Variants in TRPM1 observed in about 807,000 individuals in gnomAD.
TRPM1 encodes transient receptor potential cation channel subfamily M member 1, also known as TRPM1-203 APA Isoform, Intron 10.
A neutral mutation model predicts 149.4 loss-of-function variants in TRPM1; 113 were observed. That is an observed-to-expected ratio of 0.76 (90% CI 0.65 to 0.88). TRPM1 has a LOEUF of 0.88. TRPM1 is among the 40% of genes least tolerant of loss of function. The pLI is 0.00. For synonymous variants in TRPM1, 741 were observed against 759.5 expected (o/e 0.98, Z 0.40); for missense variants, 1,976 against 2,038.7 (o/e 0.97, Z 0.59).
chr15:31,028,572 A>G lies in TRPM1; in HGVS notation c.3149-96T>C, dbSNP rs558388368. ...TTTTTCAATACCTATTTCTTTTTTA[A>G]TATGATTCTTTCTTATTTCATAAGC... On this transcript the variant is annotated intron_variant, in intron 24 of 27. Transcript: ENST00000256552. 1.7e-3 allele frequency: 2,326 copies of G among 1,388,148 alleles called. 54 individuals are homozygous for G. In the South Asian group the frequency reaches 0.027, roughly 16 times the overall value. 86.0% of individuals were successfully genotyped at this position (1,388,148 alleles called of 1,614,324 possible).
At position 31,063,226 on chromosome 15, in the gene TRPM1, A is replaced by G; in HGVS notation, c.857T>C (p.Val286Ala). 6.2e-7 allele frequency: 1 copy of G among 1,614,166 alleles called. No homozygotes were observed. ...AGGCTCTTCTTGCAGGTATTCCAAG[A>G]CGATGGACACCACGTTAGGGCCCCC... is the stretch of plus-strand genomic sequence containing the variant. Reference protein sequence around the residue: ...VEGGPNVVSIVLEYLQEEPPI... With the variant: ...VEGGPNVVSIALEYLQEEPPI... The change falls in exon 8 of 28, where the codon GTC (valine) becomes GCC (alanine). Residue 286 changes from valine (V) to alanine (A), a missense_variant. Physicochemically the swap from Val to Ala is moderately conservative, Grantham distance 64. Coordinates refer to ENST00000256552, the MANE Select transcript of TRPM1 (RefSeq NM_001252024.2).
intron 1 of TRPM1, among the ~76,000 whole-genome samples, chr15:31,143,481 G>A (rs2036184895): frequency 6.6e-6 from 1 of 152,106 alleles, no homozygotes. Flanking sequence ...GAGTGCAGTG[G>A]TGCTATCTTG....
Position 31,101,654 on chromosome 15 carries a change from T to C in TRPM1, c.-84+3A>G. On this transcript the variant is annotated splice_donor_region_variant and intron_variant, in intron 1 of 27. Transcript: ENST00000256552. ...ACCTGTGCTTACCCGCATCTGAGCT[T>C]ACCTGCCACAGCAGTGGAATGGAGA... 3.0e-6 allele frequency: 3 copies of C among 985,768 alleles called. No homozygotes were observed. The highest frequency in any genetic ancestry group is 3.6e-6 in the Non-Finnish European group (3 of 830,166). 61.1% of individuals were successfully genotyped at this position (985,768 alleles called of 1,614,324 possible). A position where few individuals can be genotyped will look rare whatever the true frequency, so the allele number is the denominator to read the frequency against.
At chr15:31,145,342 C>T (rs929712199) in intron 1 of TRPM1, among the ~76,000 whole-genome samples, 2 of 152,166 alleles carry the variant, frequency 1.3e-5, no homozygotes, top group African/African-American at 4.8e-5. Context: ...GTCATAATGA[C>T]TCTTACCCCT....
At chr15:31,022,372 T>C (rs2032578429) in intron 27 of TRPM1, among the ~76,000 whole-genome samples, 1 of 152,272 alleles carries the variant, frequency 6.6e-6, no homozygotes, top group Non-Finnish European at 1.5e-5. Context: ...GGCCCATGCC[T>C]GTAATCCCAG....
intron 27 of TRPM1, among the ~76,000 whole-genome samples, chr15:31,010,210 T>C (rs1480513981): frequency 2.0e-5 from 3 of 152,236 alleles, no homozygotes; most frequent in Non-Finnish European, 4.4e-5. Flanking sequence ...CTGGTTAGTT[T>C]CAGGCTGCAA....
intron 1 of TRPM1, among the ~76,000 whole-genome samples, chr15:31,089,528 C>T (rs1419583991): frequency 6.6e-6 from 1 of 152,208 alleles, no homozygotes; most frequent in African/African-American, 2.4e-5. Flanking sequence ...ATAGCACATT[C>T]CCGGGCAGCG....
chr15:31,026,067 C>T, intron 27 of TRPM1, 72 bp downstream of exon 27: 2 of 1,589,752 alleles, frequency 1.3e-6, no homozygotes, highest in Non-Finnish European at 1.7e-6. Flanking sequence ...ACTCTGGCAT[C>T]CCCCATAGAG....
intron 16 of TRPM1, among the ~76,000 whole-genome samples, chr15:31,042,831 T>A (rs73372403): frequency 0.02 from 3,085 of 152,298 alleles, 106 homozygotes; most frequent in African/African-American, 0.071. Context: ...AAAGGGGTTA[T>A]GAGAACTGTT....
At chr15:31,082,351 G>A (rs1046040613) in intron 1 of TRPM1, among the ~76,000 whole-genome samples, 12 of 152,250 alleles carry the variant, frequency 7.9e-5, no homozygotes, top group African/African-American at 2.6e-4. Flanking sequence ...TGTCTACCCC[G>A]GCTGAGTGAA....
At chr15:31,113,883 T>C (rs533145382) in intron 1 of TRPM1, among the ~76,000 whole-genome samples, 1 of 152,208 alleles carries the variant, frequency 6.6e-6, no homozygotes, top group African/African-American at 2.4e-5. Context: ...CCGAGCAAAT[T>C]GACTTTGCTG....
intron 1 of TRPM1, among the ~76,000 whole-genome samples, chr15:31,131,704 C>T (rs183962187): frequency 1.2e-4 from 19 of 152,080 alleles, no homozygotes; most frequent in African/African-American, 4.1e-4. Flanking sequence ...GAGAGGGGTC[C>T]GGGGAGATAG....
chr15:31,035,965 CATT>C (rs1352296675), intron 20 of TRPM1: 2 of 473,534 alleles, frequency 4.2e-6, no homozygotes, highest in Non-Finnish European at 7.7e-6. Context: ...AAGTTGCAAA[CATT>C]ATGATAACGG....
intron 27 of TRPM1, 28 bp downstream of exon 27, chr15:31,026,110 CG>C (rs1555418104): frequency 3.1e-6 from 5 of 1,608,110 alleles, no homozygotes; most frequent in Non-Finnish European, 3.4e-6. Flanking sequence ...CCTTGGCTCA[CG>C]GGCCCGCGGT....
At chr15:31,147,001 A>AG (rs1353047509) in intron 1 of TRPM1, among the ~76,000 whole-genome samples, 5 of 152,046 alleles carry the variant, frequency 3.3e-5, no homozygotes, top group African/African-American at 9.7e-5. Context: ...AAAAAAAAAA[A>AG]TGACCAATTC....
chr15:31,123,503 A>G (rs1304187812), intron 1 of TRPM1, among the ~76,000 whole-genome samples: 1 of 152,236 alleles, frequency 6.6e-6, no homozygotes, highest in East Asian at 1.9e-4. Context: ...TAGCCCAATT[A>G]AAAATATGGG....
At chr15:31,009,169 A>G (rs2032095706) in intron 27 of TRPM1, among the ~76,000 whole-genome samples, 1 of 151,056 alleles carries the variant, frequency 6.6e-6, no homozygotes, top group Admixed American at 6.6e-5. Context: ...TGAGTATGTA[A>G]TTCTGGGTTG....
At chr15:31,047,607 C>T (rs1032454290) in intron 14 of TRPM1, among the ~76,000 whole-genome samples, 1 of 152,214 alleles carries the variant, frequency 6.6e-6, no homozygotes, top group Non-Finnish European at 1.5e-5. Flanking sequence ...CCAGGCCACC[C>T]CCTTCCCCAA....
chr15:31,122,317 T>C (rs1596085947), intron 1 of TRPM1, among the ~76,000 whole-genome samples: 1 of 152,044 alleles, frequency 6.6e-6, no homozygotes. Flanking sequence ...AACATCATAC[T>C]GAAAATTACA....
Sources: allele counts gnomAD v4.1 joint callset (sites outside exome capture counted in the v4.1 genomes callset), GRCh38; gene constraint gnomAD v4.1.1; transcripts MANE v1.5; gene names NCBI Gene and HGNC (gene_info 2026-07-23, HGNC 2026-07-21).